APPL2: variants seen among roughly 807,000 people sequenced by gnomAD.
The protein encoded by APPL2 is adaptor protein, phosphotyrosine interacting with PH domain and leucine zipper 2.
A neutral mutation model predicts 92.7 loss-of-function variants in APPL2; 84 were observed. That is an observed-to-expected ratio of 0.91 (90% CI 0.76 to 1.09). The LOEUF is 1.09. Ranked by LOEUF, APPL2 falls within the 50% of genes least tolerant of loss-of-function variation. The pLI is 0.00. For synonymous variants in APPL2, 291 were observed against 291.0 expected (o/e 1.00, Z 0.00); for missense variants, 736 against 824.5 (o/e 0.89, Z 1.31).
rs1198392766 is a variant in APPL2 at position 105,174,251 on chromosome 12, C to T, written c.*63G>A. The T allele has an allele frequency of 7.0e-6, 11 of 1,576,688 alleles. No homozygotes were observed. Among genetic ancestry groups the T allele is most frequent in the African/African-American group, 1.4e-5 (1 of 73,360 alleles). Reference sequence around the variant, plus strand: ...GGTCAGTGTGCCTGTATGTCAGAGACGTTAAAACCCTTAGGAGGTAGCTCT... The same window carrying T: ...GGTCAGTGTGCCTGTATGTCAGAGATGTTAAAACCCTTAGGAGGTAGCTCT... On this transcript the variant is annotated 3_prime_UTR_variant, in exon 21 of 21. Coordinates refer to ENST00000258530, the MANE Select transcript of APPL2 (RefSeq NM_018171.5).
In APPL2 at chr12:105,202,415, C is replaced by T. The variant is rs541703451; in HGVS notation, c.704+1288G>A. ...AAAGAGGAAACCATGGCAACTCACA[C>T]GCATGGGCACAAATGTCCTGCTACC... On this transcript the variant is annotated intron_variant, in intron 9 of 20. Coordinates refer to ENST00000258530, the MANE Select transcript of APPL2 (RefSeq NM_018171.5). Among the ~76,000 whole-genome samples the T allele has an allele frequency of 9.8e-5, 15 of 152,310 alleles. 1 individual carries two copies. The highest frequency in any genetic ancestry group is 4.1e-4 in the South Asian group (2 of 4,828).
intron 1 of APPL2, among the ~76,000 whole-genome samples, chr12:105,232,252 C>G (rs1000063575): frequency 6.6e-6 from 1 of 152,066 alleles, no homozygotes; most frequent in African/African-American, 2.4e-5. Flanking sequence ...TTCTACTGCC[C>G]GACACTTTTA....
Position 105,174,201 on chromosome 12 carries a change from A to G in APPL2, c.*113T>C, listed in dbSNP as rs1885248780. The G allele has an allele frequency of 2.2e-6, 3 of 1,341,186 alleles. No individual in the cohort carries two copies. The highest frequency in any genetic ancestry group is 3.0e-6 in the Non-Finnish European group (3 of 995,788). 83.1% of individuals were successfully genotyped at this position (1,341,186 alleles called of 1,614,324 possible). On this transcript the variant is annotated 3_prime_UTR_variant, in exon 21 of 21. Transcript: ENST00000258530. ...CAAGGCATCAAGATTACATTCCACA[A>G]ACGATTGTCAGCCTTCGGAAATCAG...
intron 17 of APPL2, among the ~76,000 whole-genome samples, chr12:105,187,884 C>G (rs1374248310): frequency 2.6e-5 from 4 of 152,010 alleles, no homozygotes; most frequent in Non-Finnish European, 5.9e-5. Context: ...GTTAATATGG[C>G]CTGCTCTCTC....
At chr12:105,223,760 C>T (rs1162876416) in intron 2 of APPL2, among the ~76,000 whole-genome samples, 1 of 152,208 alleles carries the variant, frequency 6.6e-6, no homozygotes, top group Non-Finnish European at 1.5e-5. Context: ...AGTGCTATTG[C>T]AACTATTATT....
intron 1 of APPL2, among the ~76,000 whole-genome samples, chr12:105,230,285 A>G (rs1890824647): frequency 6.6e-6 from 1 of 152,160 alleles, no homozygotes; most frequent in African/African-American, 2.4e-5. Flanking sequence ...GGCATTTCCT[A>G]TCATTTTCAT....
chr12:105,231,696 G>A (rs779495169), intron 1 of APPL2, among the ~76,000 whole-genome samples: 1 of 152,138 alleles, frequency 6.6e-6, no homozygotes, highest in Non-Finnish European at 1.5e-5. Flanking sequence ...CCATGTTCCC[G>A]CCCACAATAC....
chr12:105,229,276 AGAG>A (rs1890747700), intron 1 of APPL2, 53 bp from the exon 2 acceptor site: 5 of 1,511,910 alleles, frequency 3.3e-6, no homozygotes, highest in African/African-American at 1.4e-5. Context: ...GAAAAGTTAC[AGAG>A]GAGGAGGAAG....
At chr12:105,228,417 G>T (rs570905445) in intron 2 of APPL2, among the ~76,000 whole-genome samples, 1 of 152,154 alleles carries the variant, frequency 6.6e-6, no homozygotes. Flanking sequence ...TTCCTTAAGA[G>T]ATTATTAATG....
chr12:105,181,273 C>T (rs892222779), intron 17 of APPL2, among the ~76,000 whole-genome samples: 14 of 152,146 alleles, frequency 9.2e-5, no homozygotes, highest in African/African-American at 3.4e-4. Flanking sequence ...TACTGATTTG[C>T]GTATGTCGAA....
At chr12:105,231,845 T>C (rs902670087) in intron 1 of APPL2, among the ~76,000 whole-genome samples, 8 of 152,348 alleles carry the variant, frequency 5.3e-5, no homozygotes, top group Non-Finnish European at 7.3e-5. Context: ...GGAAAAAATA[T>C]AACCAGCTAC....
intron 16 of APPL2, 29 bp downstream of exon 16, chr12:105,189,743 A>T: frequency 6.2e-7 from 1 of 1,610,212 alleles, no homozygotes; most frequent in South Asian, 1.1e-5. Context: ...TGCAGAGGAA[A>T]GAATAAGGAC....
chr12:105,215,591 C>T (rs1372187397), intron 4 of APPL2, among the ~76,000 whole-genome samples: 1 of 152,112 alleles, frequency 6.6e-6, no homozygotes, highest in East Asian at 1.9e-4. Flanking sequence ...AACGAAAATG[C>T]AATCAGTACA....
At chr12:105,219,253 C>T (rs1023477390) in intron 2 of APPL2, among the ~76,000 whole-genome samples, 2 of 152,032 alleles carry the variant, frequency 1.3e-5, no homozygotes, top group African/African-American at 4.8e-5. Context: ...TTTTTTTGAC[C>T]CTCTTCGCAG....
At chr12:105,214,600 AGCT>A (rs1205947491) in intron 4 of APPL2, among the ~76,000 whole-genome samples, 1 of 152,240 alleles carries the variant, frequency 6.6e-6, no homozygotes, top group Non-Finnish European at 1.5e-5. Context: ...CTTGGCATAG[AGCT>A]CTGAAAACCC....
intron 2 of APPL2, among the ~76,000 whole-genome samples, chr12:105,227,176 A>C (rs1477621281): frequency 5.9e-5 from 9 of 152,034 alleles, no homozygotes; most frequent in Non-Finnish European, 1.3e-4. Flanking sequence ...ATTTACAAAA[A>C]TTTTGTGTAG....
intron 8 of APPL2, 98 bp from the exon 9 acceptor site, chr12:105,203,883 C>CTGTGA: frequency 1.9e-6 from 2 of 1,046,432 alleles, no homozygotes; most frequent in Non-Finnish European, 2.9e-6. Context: ...GCCATCACAG[C>CTGTGA]TGGCTGGCCC....
intron 16 of APPL2, among the ~76,000 whole-genome samples, chr12:105,189,320 C>T (rs748949285): frequency 1.3e-5 from 2 of 152,150 alleles, no homozygotes; most frequent in African/African-American, 2.4e-5. Flanking sequence ...CGTGAGCCAG[C>T]GTGCCGGCCA....
chr12:105,207,832 G>A (rs1888865299), intron 7 of APPL2, 139 bp downstream of exon 7: 7 of 716,166 alleles, frequency 9.8e-6, no homozygotes, highest in South Asian at 9.3e-5. Context: ...ATGAGATTTG[G>A]AATGAACAAT....
Sources: allele counts gnomAD v4.1 joint callset (sites outside exome capture counted in the v4.1 genomes callset), GRCh38; gene constraint gnomAD v4.1.1; transcripts MANE v1.5; gene names NCBI Gene and HGNC (gene_info 2026-07-23, HGNC 2026-07-21).